The following SLAIN2 variants were observed in gnomAD, a reference collection of about 807,000 sequenced individuals.
SLAIN2 encodes the protein SLAIN family member 2.
A neutral mutation model predicts 56.6 loss-of-function variants in SLAIN2; 31 were observed. The observed-to-expected ratio is 0.55, with a 90% CI of 0.41 to 0.74. SLAIN2 has a LOEUF of 0.74. Ranked by LOEUF, SLAIN2 falls within the 30% of genes least tolerant of loss-of-function variation. The pLI, the probability that SLAIN2 is intolerant of heterozygous loss-of-function variation, is 0.00. For synonymous variants in SLAIN2, 317 were observed against 284.9 expected (o/e 1.11, Z -1.13); for missense variants, 777 against 754.2 (o/e 1.03, Z -0.35).
In SLAIN2 at chr4:48,377,995, A is replaced by C; in HGVS notation, c.638A>C (p.Asn213Thr). The C allele has an allele frequency of 2.5e-6, 4 of 1,613,948 alleles. No individual in the cohort carries two copies. The highest frequency in any genetic ancestry group is 2.5e-6 in the Non-Finnish European group (3 of 1,179,866). Residue 213 changes from asparagine (N) to threonine (T), a missense_variant, in exon 3 of 8, where the codon AAT becomes ACT. Physicochemically the swap from Asn to Thr is moderately conservative, Grantham distance 65. Coordinates refer to ENST00000264313, the MANE Select transcript of SLAIN2 (RefSeq NM_020846.2). Reference sequence around the variant, plus strand: ...AGTAGCCCATACAGCAGTGGCTTCAATTCTCCATCCTCAACCCCAGTGCGA... The same window carrying C: ...AGTAGCCCATACAGCAGTGGCTTCACTTCTCCATCCTCAACCCCAGTGCGA... ...NASSPYSSGF[N>T]SPSSTPVRPP...
chr4:48,370,331 C>T (rs1334344833), intron 2 of SLAIN2, among the ~76,000 whole-genome samples: 3 of 152,016 alleles, frequency 2.0e-5, no homozygotes, highest in African/African-American at 4.8e-5. Context: ...TCTCACATTC[C>T]ACTCTTTGGG....
intron 6 of SLAIN2, among the ~76,000 whole-genome samples, chr4:48,415,400 G>A (rs1297458589): frequency 3.2e-5 from 2 of 62,008 alleles, no homozygotes; most frequent in Non-Finnish European, 3.6e-5. Context: ...ACTTTTTGAT[G>A]GGGTTGTTTG....
chr4:48,355,570 T>C (rs1049798098), intron 1 of SLAIN2, among the ~76,000 whole-genome samples: 5 of 152,290 alleles, frequency 3.3e-5, no homozygotes, highest in African/African-American at 1.2e-4. Flanking sequence ...TTTTTATATA[T>C]AATTCAAAAG....
At chr4:48,378,669 T>G (rs1715890595) in intron 3 of SLAIN2, among the ~76,000 whole-genome samples, 1 of 152,216 alleles carries the variant, frequency 6.6e-6, no homozygotes, top group African/African-American at 2.4e-5. Context: ...GTTAACCACC[T>G]CAAATTTTGA....
chr4:48,407,349 T>C (rs1716725381), intron 6 of SLAIN2, among the ~76,000 whole-genome samples: 1 of 152,210 alleles, frequency 6.6e-6, no homozygotes, highest in African/African-American at 2.4e-5. Context: ...GTCACTCCGA[T>C]TTATGCTATT....
At chr4:48,378,277 T>C (rs187628324) in intron 3 of SLAIN2, among the ~76,000 whole-genome samples, 1 of 152,340 alleles carries the variant, frequency 6.6e-6, no homozygotes, top group East Asian at 1.9e-4. Flanking sequence ...AAATTTTCTT[T>C]AGCAAGTACC....
chr4:48,419,225 C>T (rs1452486795), intron 6 of SLAIN2, among the ~76,000 whole-genome samples: 1 of 151,982 alleles, frequency 6.6e-6, no homozygotes, highest in Non-Finnish European at 1.5e-5. Context: ...GCCTCAGCCT[C>T]CCAAGTAGCT....
intron 2 of SLAIN2, among the ~76,000 whole-genome samples, chr4:48,372,270 T>C (rs1033696148): frequency 6.6e-6 from 1 of 152,178 alleles, no homozygotes; most frequent in Non-Finnish European, 1.5e-5. Flanking sequence ...TATATTCTTA[T>C]AAGAGGAGTC....
At chr4:48,370,126 C>T (rs1715625498) in intron 2 of SLAIN2, 129 bp downstream of exon 2, 1 of 884,182 alleles carries the variant, frequency 1.1e-6, no homozygotes, top group Non-Finnish European at 1.7e-6. Flanking sequence ...TTCATATCAT[C>T]ATGAGAGTTT....
chr4:48,359,905 C>A (rs1277459990), intron 1 of SLAIN2, among the ~76,000 whole-genome samples: 2 of 152,136 alleles, frequency 1.3e-5, no homozygotes, highest in African/African-American at 4.8e-5. Context: ...CCTGTAATCC[C>A]AGCACTTTGA....
intron 1 of SLAIN2, among the ~76,000 whole-genome samples, chr4:48,368,416 T>TG (rs1019229348): frequency 2.0e-5 from 3 of 152,192 alleles, no homozygotes; most frequent in Non-Finnish European, 4.4e-5. Context: ...TAACTATGTA[T>TG]GTAGTACATG....
chr4:48,362,455 G>C (rs1043320670), intron 1 of SLAIN2, among the ~76,000 whole-genome samples: 131 of 117,922 alleles, frequency 1.1e-3, no homozygotes, highest in African/African-American at 3.8e-3. Context: ...GTCTTGTTCT[G>C]TCGCCCAGGG....
At chr4:48,397,078 GAGAA>G (rs1327052895) in intron 6 of SLAIN2, among the ~76,000 whole-genome samples, 2 of 152,172 alleles carry the variant, frequency 1.3e-5, no homozygotes, top group East Asian at 3.8e-4. Context: ...AAACTGCTTT[GAGAA>G]AGATTTTATT....
intron 2 of SLAIN2, among the ~76,000 whole-genome samples, chr4:48,377,305 C>T (rs2109758820): frequency 6.6e-6 from 1 of 151,590 alleles, no homozygotes; most frequent in Admixed American, 6.6e-5. Context: ...GCCTCAGCCT[C>T]CCAAGTAGCA....
chr4:48,401,816 T>C (rs1351886785), intron 6 of SLAIN2, among the ~76,000 whole-genome samples: 1 of 152,166 alleles, frequency 6.6e-6, no homozygotes, highest in Non-Finnish European at 1.5e-5. Context: ...TGTCATGATG[T>C]TAGCTCGTTA....
chr4:48,341,922 G>C lies in SLAIN2; in HGVS notation c.183G>C (p.Ala61=), dbSNP rs1315786657. 1 of 1,505,836 alleles carries C rather than the reference G, an allele frequency of 6.6e-7. No homozygotes were observed. The highest frequency in any genetic ancestry group is 1.5e-5 in the African/African-American group (1 of 68,572). 93.3% of individuals were successfully genotyped at this position (1,505,836 alleles called of 1,614,324 possible). The stretch of plus-strand genomic sequence containing the variant: ...GCGCGTCCATTCCCTCCTCCGGCGC[G>C]GCGTCTCCTCGGGGCTTCCCCTTGG... ...RAGASIPSSG[A]ASPRGFPLGL... is the part of the protein sequence containing the mutation. Residue 61 remains alanine, a synonymous_variant, in exon 1 of 8, where the codon GCG becomes GCC. Coordinates refer to ENST00000264313, the MANE Select transcript of SLAIN2 (RefSeq NM_020846.2).
At chr4:48,414,262 T>A (rs1030080973) in intron 6 of SLAIN2, among the ~76,000 whole-genome samples, 7 of 152,188 alleles carry the variant, frequency 4.6e-5, no homozygotes, top group African/African-American at 1.7e-4. Flanking sequence ...GGTAATAACT[T>A]AATATTTACA....
At chr4:48,409,629 A>G (rs1163014656) in intron 6 of SLAIN2, among the ~76,000 whole-genome samples, 1 of 152,178 alleles carries the variant, frequency 6.6e-6, no homozygotes, top group Non-Finnish European at 1.5e-5. Context: ...CACGCCTGTA[A>G]TCCCAGCACT....
intron 1 of SLAIN2, among the ~76,000 whole-genome samples, chr4:48,352,498 G>T (rs409911): frequency 0.23 from 34,625 of 151,988 alleles, 4,755 homozygotes; most frequent in Middle Eastern, 0.33. Flanking sequence ...TTATTGTAAG[G>T]ATAATCCCAA....
Sources: gnomAD v4.1 joint callset for allele counts (sites outside exome capture counted in the v4.1 genomes callset) on GRCh38, gnomAD v4.1.1 for gene constraint, MANE v1.5 for transcripts, NCBI Gene and HGNC (gene_info 2026-07-23, HGNC 2026-07-21) for gene names.